The following DNAH5 variants were observed in gnomAD, a reference collection of about 807,000 sequenced individuals.
DNAH5 encodes the protein dynein axonemal heavy chain 5, also known as axonemal beta dynein heavy chain 5.
In DNAH5, 372 loss-of-function variants were observed where a neutral mutation model predicts 518.2. That is an observed-to-expected ratio of 0.72 (90% CI 0.66 to 0.78). The LOEUF (loss-of-function observed/expected upper bound fraction) is 0.78, where lower values mean the gene tolerates loss of function less well. Ranked by LOEUF, DNAH5 falls within the 30% of genes least tolerant of loss-of-function variation. DNAH5 has a pLI of 0.00. For missense variants in DNAH5, 5,523 were observed against 5,687.0 expected, an observed-to-expected ratio of 0.97 and a Z score of 0.93; for synonymous variants, 2,039 against 2,025.9, an observed-to-expected ratio of 1.01 and a Z score of -0.17.
chr5:13,895,629 G>A (rs540318595), intron 15 of DNAH5, among the ~76,000 whole-genome samples: 4 of 152,114 alleles, frequency 2.6e-5, no homozygotes, highest in South Asian at 2.1e-4. Flanking sequence ...AAAGCACACC[G>A]GGAACCAGTA....
intron 1 of DNAH5, among the ~76,000 whole-genome samples, chr5:14,011,525 A>G (rs918865029): frequency 6.6e-6 from 1 of 152,138 alleles, no homozygotes; most frequent in Non-Finnish European, 1.5e-5. Flanking sequence ...CCACAAGCCG[A>G]GCCCCTCCCT....
intron 12 of DNAH5, among the ~76,000 whole-genome samples, chr5:13,906,117 A>G (rs1315127426): frequency 1.3e-5 from 2 of 152,226 alleles, no homozygotes; most frequent in Admixed American, 1.3e-4. Context: ...GGGAAGGATG[A>G]ATAGGTGGAG....
At chr5:13,759,098 C>T (rs971271526) in intron 60 of DNAH5, 115 bp from the exon 61 acceptor site, 4 of 1,370,066 alleles carry the variant, frequency 2.9e-6, no homozygotes, top group African/African-American at 1.4e-5. Flanking sequence ...TTTGTTCCCG[C>T]TCCAGAATCC....
chr5:13,799,509 T>C (rs1758407828), intron 47 of DNAH5, among the ~76,000 whole-genome samples: 2 of 152,148 alleles, frequency 1.3e-5, no homozygotes. Flanking sequence ...CACTAAGCTA[T>C]ACATGTCATA....
intron 70 of DNAH5, among the ~76,000 whole-genome samples, chr5:13,723,635 T>C (rs555990696): frequency 6.6e-6 from 1 of 152,362 alleles, no homozygotes; most frequent in African/African-American, 2.4e-5. Context: ...AAAGCAGTCA[T>C]AGGCACACAA....
intron 1 of DNAH5, among the ~76,000 whole-genome samples, chr5:13,977,404 C>T (rs1782335868): frequency 6.6e-6 from 1 of 152,188 alleles, no homozygotes; most frequent in African/African-American, 2.4e-5. Flanking sequence ...CACTCTAACA[C>T]ATTACCATAG....
At chr5:13,827,227 A>G (rs1163481712) in intron 38 of DNAH5, among the ~76,000 whole-genome samples, 2 of 152,186 alleles carry the variant, frequency 1.3e-5, no homozygotes, top group Non-Finnish European at 2.9e-5. Flanking sequence ...TGCAATGGAA[A>G]GGAAAACACC....
chr5:13,820,525 T>C (rs559148507), intron 40 of DNAH5, 26 bp from the exon 41 acceptor site: 47 of 1,612,856 alleles, frequency 2.9e-5, no homozygotes, highest in East Asian at 2.0e-4. Context: ...AATCCCCACA[T>C]TGAAACACAA....
intron 46 of DNAH5, 99 bp downstream of exon 46, chr5:13,808,945 G>T: frequency 2.1e-6 from 3 of 1,427,196 alleles, no homozygotes; most frequent in African/African-American, 1.4e-5. Flanking sequence ...GGGCGACAGA[G>T]TGAGACTCCG....
chr5:13,735,078 C>G (rs1747180055), intron 68 of DNAH5, 53 bp downstream of exon 68: 1 of 1,568,886 alleles, frequency 6.4e-7, no homozygotes, highest in Admixed American at 1.7e-5. Flanking sequence ...AGGGCTTTCA[C>G]AATAACTCCT....
In DNAH5 at chr5:13,867,970, C is replaced by A. The variant is rs1396639055; in HGVS notation, c.3857G>T (p.Arg1286Ile). Residue 1286 changes from arginine to isoleucine, a missense_variant, in exon 25 of 79, where the codon AGA (arginine) becomes ATA (isoleucine). By Grantham distance (97) the Arg-to-Ile change is moderately conservative (BLOSUM62 -3). Transcript: ENST00000265104. ...PIEESYALLN[R>I]YGLLIAREEI... The stretch of plus-strand genomic sequence containing the variant: ...TTCCCTTGCTATCAGAAGTCCATAT[C>A]TGTTAAGCAGGGCATAAGATTCCTA... The A allele has an allele frequency of 1.2e-6, 2 of 1,612,546 alleles. No homozygotes were observed. The highest frequency in any genetic ancestry group is 2.7e-5 in the African/African-American group (2 of 74,570).
At chr5:13,774,367 T>C (rs1753779262) in intron 55 of DNAH5, among the ~76,000 whole-genome samples, 2 of 152,080 alleles carry the variant, frequency 1.3e-5, no homozygotes, top group South Asian at 4.1e-4. Context: ...GGGAGACAAT[T>C]TGAGTTTCAG....
intron 10 of DNAH5, 111 bp downstream of exon 10, chr5:13,914,409 C>T: frequency 7.8e-7 from 1 of 1,285,998 alleles, no homozygotes; most frequent in Non-Finnish European, 1.1e-6. Flanking sequence ...AGTTAAGAAT[C>T]ACTGTTCTTT....
Position 13,966,207 on chromosome 5 carries a change from G to T in DNAH5, c.13-34963C>A, listed in dbSNP as rs1671251848. 2.2e-5 allele frequency among the ~76,000 whole-genome samples: 3 copies of T among 133,372 alleles called. No homozygotes were observed. The Admixed American group carries it at 2.3e-4, about 10-fold the overall frequency. The allele number at this position is 133,372 out of a possible 152,430, so 87.5% of individuals were successfully genotyped here. On this transcript the variant is annotated intron_variant, in intron 1 of 78. Coordinates refer to the DNAH5 transcript ENST00000681290. ...GGCTGAGTAGTATTCCATGGTGTGT[G>T]TGTGTATGTGTGTATGTGTGTATAT...
At position 13,841,811 on chromosome 5, in the gene DNAH5, G is replaced by A. The variant is rs150132352; in HGVS notation, c.5365C>T (p.Leu1789Phe). 8.7e-6 allele frequency: 14 copies of A among 1,610,492 alleles called. No homozygotes were observed. The highest frequency in any genetic ancestry group is 1.7e-5 in the Admixed American group (1 of 59,394). Residue 1789 changes from leucine (L) to phenylalanine (F), a missense_variant, in exon 33 of 79, where the codon CTT (leucine) becomes TTT (phenylalanine). This residue lies in a region of DNAH5 where 5,121 missense variants were observed against 5,223.3 expected (regional missense o/e 0.98). Transcript: ENST00000265104. ...TGAGATTCTTCCAAAAGAGAATTAAGCCAAACTTCCACATTGCCCTCTGCC... is the reference window on the plus strand; with the variant it reads ...TGAGATTCTTCCAAAAGAGAATTAAACCAAACTTCCACATTGCCCTCTGCC... The part of the protein sequence containing the change: ...VMAEGNVEVW[L>F]NSLLEESQSS...
intron 1 of DNAH5, among the ~76,000 whole-genome samples, chr5:13,951,219 T>G (rs1435627239): frequency 1.1e-4 from 14 of 130,028 alleles, no homozygotes; most frequent in Non-Finnish European, 1.6e-5. Context: ...TTTTTTTTTT[T>G]TTTTTTTTTT....
chr5:14,008,436 A>G (rs1367140455), intron 1 of DNAH5, among the ~76,000 whole-genome samples: 2 of 152,122 alleles, frequency 1.3e-5, no homozygotes, highest in African/African-American at 4.8e-5. Context: ...CAGCCTGGGC[A>G]ACATGGTGAA....
At position 13,870,872 on chromosome 5, in the gene DNAH5, T is replaced by C; in HGVS notation, c.3729A>G (p.Leu1243=). 2 of 1,613,892 alleles carry C rather than the reference T, an allele frequency of 1.2e-6. No homozygotes were observed. Among genetic ancestry groups the C allele is most frequent in the Non-Finnish European group, 8.5e-7 (1 of 1,179,836 alleles). Residue 1243 remains leucine, a synonymous_variant, in exon 24 of 79, where the codon CTA becomes CTG. Coordinates refer to ENST00000265104, the MANE Select transcript of DNAH5 (RefSeq NM_001369.3). ...CATCTAGGTCCTTAATTGGACGATT[T>C]AGTTTCTTATTGAATTCTTCAATAA... is the stretch of plus-strand genomic sequence containing the variant. ...FMLIEEFNKK[L]NRPIKDLDDI...
Position 13,814,726 on chromosome 5 carries a change from G to A in DNAH5, c.7109C>T (p.Ala2370Val), listed in dbSNP as rs776056472. 1.4e-5 allele frequency: 23 copies of A among 1,614,096 alleles called. No individual in the cohort carries two copies. Among genetic ancestry groups the A allele is most frequent in the East Asian group, 2.2e-5 (1 of 44,870 alleles). ...TLANGDRIPM[A>V]PNCKIIFEPH... The stretch of plus-strand genomic sequence containing the variant: ...CTCGAAAATGATCTTGCAGTTTGGA[G>A]CCATGGGAATCCGATCACCATTGGC... The change falls in exon 43 of 79, where the codon GCT (alanine) becomes GTT (valine). Residue 2370 changes from alanine (A) to valine (V), a missense_variant. This residue lies in a region of DNAH5 where 5,121 missense variants were observed against 5,223.3 expected (regional missense o/e 0.98). Coordinates refer to ENST00000265104, the MANE Select transcript of DNAH5 (RefSeq NM_001369.3).
Sources: gnomAD v4.1 joint callset for allele counts (sites outside exome capture counted in the v4.1 genomes callset) on GRCh38, gnomAD v4.1.1 for gene constraint, gnomAD v4.1.1 regional missense constraint, MANE v1.5 for transcripts, NCBI Gene and HGNC (gene_info 2026-07-23, HGNC 2026-07-21) for gene names.